The following ARNT2 variants were observed in gnomAD, a reference collection of about 807,000 sequenced individuals.
ARNT2 encodes aryl hydrocarbon receptor nuclear translocator 2, also known as ARNT protein 2.
ARNT2 carries 36 observed loss-of-function variants against 91.7 expected under a neutral mutation model. That is an observed-to-expected ratio of 0.39 (90% CI 0.30 to 0.52). ARNT2 has a LOEUF of 0.52. Ranked by LOEUF, ARNT2 falls within the 20% of genes least tolerant of loss-of-function variation. The pLI, the probability that ARNT2 is intolerant of heterozygous loss-of-function variation, is 0.72. For synonymous variants in ARNT2, 365 were observed against 347.1 expected, an observed-to-expected ratio of 1.05 and a Z score of -0.57; for missense variants, 775 against 939.3, an observed-to-expected ratio of 0.83 and a Z score of 2.29.
intron 3 of ARNT2, among the ~76,000 whole-genome samples, chr15:80,460,958 G>A (rs1325032688): frequency 6.6e-6 from 1 of 152,168 alleles, no homozygotes; most frequent in African/African-American, 2.4e-5. Flanking sequence ...GGAGCTGCAG[G>A]TGAGGCCAAG....
At chr15:80,423,447 T>C (rs1279452403) in intron 1 of ARNT2, among the ~76,000 whole-genome samples, 2 of 152,208 alleles carry the variant, frequency 1.3e-5, no homozygotes, top group Non-Finnish European at 2.9e-5. Context: ...CATAATCAGT[T>C]ATGTCTAATG....
intron 1 of ARNT2, among the ~76,000 whole-genome samples, chr15:80,415,989 C>T (rs986689757): frequency 1.4e-4 from 21 of 152,142 alleles, no homozygotes; most frequent in Admixed American, 1.3e-3. Flanking sequence ...TTGCCTTCCC[C>T]CTGCCCACTC....
chr15:80,597,394 T>G lies in ARNT2; in HGVS notation c.*3696T>G, dbSNP rs556282829. 8.8e-6 allele frequency: 4 copies of G among 453,874 alleles called. No individual in the cohort carries two copies. The highest frequency in any genetic ancestry group is 6.5e-5 in the South Asian group (4 of 61,632). 28.1% of individuals were successfully genotyped at this position (453,874 alleles called of 1,614,324 possible). ...ATTACCAGAAAATATGGGCTTGGCC[T>G]AAGTCGCTGTCTCCTAACCTGCCGG... On this transcript the variant is annotated 3_prime_UTR_variant, in exon 19 of 19. Coordinates refer to ENST00000303329, the MANE Select transcript of ARNT2 (RefSeq NM_014862.4).
At chr15:80,560,540 T>A (rs1898318635) in intron 11 of ARNT2, among the ~76,000 whole-genome samples, 1 of 152,210 alleles carries the variant, frequency 6.6e-6, no homozygotes, top group South Asian at 2.1e-4. Flanking sequence ...TCGTGCCTTC[T>A]GTGTGCTAGT....
At chr15:80,567,062 C>T (rs1039429493) in intron 12 of ARNT2, among the ~76,000 whole-genome samples, 1 of 152,030 alleles carries the variant, frequency 6.6e-6, no homozygotes, top group Admixed American at 6.6e-5. Flanking sequence ...ATGTGTGGCC[C>T]GGCCTTGAAG....
intron 5 of ARNT2, among the ~76,000 whole-genome samples, chr15:80,476,403 C>G (rs1403281256): frequency 6.6e-6 from 1 of 152,224 alleles, no homozygotes; most frequent in African/African-American, 2.4e-5. Context: ...ACAACATTCA[C>G]ATTATGCTCA....
intron 4 of ARNT2, among the ~76,000 whole-genome samples, chr15:80,472,449 C>T (rs187869518): frequency 6.6e-6 from 1 of 152,132 alleles, no homozygotes; most frequent in Admixed American, 6.5e-5. Flanking sequence ...AGCCGAGACT[C>T]GATTTATGTC....
intron 12 of ARNT2, among the ~76,000 whole-genome samples, chr15:80,566,546 T>C (rs905998479): frequency 2.0e-5 from 3 of 152,206 alleles, no homozygotes; most frequent in Non-Finnish European, 4.4e-5. Flanking sequence ...AGAATCCCTG[T>C]CTGGCCAACC....
At chr15:80,559,178 CCGGT>C (rs34979022) in intron 11 of ARNT2, among the ~76,000 whole-genome samples, 3,280 of 152,334 alleles carry the variant, frequency 0.022, 62 homozygotes, top group East Asian at 0.1. Flanking sequence ...GCTGTCAGAA[CCGGT>C]TGGTTTTGAA....
chr15:80,440,388 T>C lies in ARNT2; in HGVS notation c.32-10492T>C, dbSNP rs1235343527. On this transcript the variant is annotated intron_variant, in intron 1 of 18. Coordinates refer to ENST00000303329, the MANE Select transcript of ARNT2 (RefSeq NM_014862.4). ...ACTTTTCTTCCATTGGAATTACTGG[T>C]TACCCATCTTCTTGCTGGGTCTGTT... 2.0e-5 allele frequency among the ~76,000 whole-genome samples: 3 copies of C among 152,220 alleles called. No homozygotes were observed. The East Asian group carries it at 5.8e-4, about 29-fold the overall frequency.
chr15:80,528,607 C>G (rs1897683095), intron 8 of ARNT2, among the ~76,000 whole-genome samples: 3 of 152,060 alleles, frequency 2.0e-5, no homozygotes, highest in Admixed American at 1.3e-4. Context: ...GTGGACCGCT[C>G]ATGAATATAT....
rs36113299 is a variant in ARNT2 at position 80,513,721 on chromosome 15, C to CAAAAAA, written c.726-174_726-169dup. On this transcript the variant is annotated intron_variant, in intron 6 of 18. Coordinates refer to ENST00000303329, the MANE Select transcript of ARNT2 (RefSeq NM_014862.4). Reference sequence around the variant, plus strand: ...GGTCACACTCTCCTTTCTTCAGTCACAAAAAAAAAAAAAAAAAAAAATCAA... The same window carrying CAAAAAA: ...GGTCACACTCTCCTTTCTTCAGTCACAAAAAAAAAAAAAAAAAAAAAAAAAAATCAA... Among the ~76,000 whole-genome samples the CAAAAAA allele has an allele frequency of 2.2e-3, 223 of 99,138 alleles. 3 individuals are homozygous for CAAAAAA. The highest frequency in any genetic ancestry group is 5.7e-3 in the Middle Eastern group (1 of 176). 65.0% of individuals were successfully genotyped at this position (99,138 alleles called of 152,430 possible).
chr15:80,581,330 C>T lies in ARNT2; in HGVS notation c.1844C>T (p.Pro615Leu). The T allele has an allele frequency of 1.9e-6, 3 of 1,614,198 alleles. No individual in the cohort carries two copies. The highest frequency in any genetic ancestry group is 2.5e-6 in the Non-Finnish European group (3 of 1,180,038). The change falls in exon 17 of 19, where the codon CCC (proline) becomes CTC (leucine). Residue 615 changes from proline (P) to leucine (L), a missense_variant. Around this residue, in one of 5 missense-constraint regions of ARNT2, gnomAD observed 325 missense variants for 359.9 expected, o/e 0.90. Coordinates refer to ENST00000303329, the MANE Select transcript of ARNT2 (RefSeq NM_014862.4). ...CCGGCAGACCCCTCTTCCTACAGCCCCCTCTCCAGCCCAGCTACCTCCTCG... is the reference window on the plus strand; with the variant it reads ...CCGGCAGACCCCTCTTCCTACAGCCTCCTCTCCAGCCCAGCTACCTCCTCG... ...TYPADPSSYS[P>L]LSSPATSSPS...
At chr15:80,528,366 T>TTATC (rs149942992) in intron 8 of ARNT2, among the ~76,000 whole-genome samples, 41,576 of 148,754 alleles carry the variant, frequency 0.28, 5,815 homozygotes, top group East Asian at 0.33. Context: ...ATTTGACCAT[T>TTATC]TATCTATCTA....
In ARNT2 at chr15:80,595,549, G is replaced by A. The variant is rs536045475; in HGVS notation, c.*1851G>A. On this transcript the variant is annotated 3_prime_UTR_variant, in exon 19 of 19. Coordinates refer to ENST00000303329, the MANE Select transcript of ARNT2 (RefSeq NM_014862.4). ...GATCCATGTGCTCAATGTTGCTGGG[G>A]GACCTACAAAAGTCAAACATTGCTC... 6.6e-6 allele frequency: 1 copy of A among 152,236 alleles called. No homozygotes were observed. Among genetic ancestry groups the A allele is most frequent in the African/African-American group, 2.4e-5 (1 of 41,460 alleles). 9.4% of individuals were successfully genotyped at this position (152,236 alleles called of 1,614,324 possible).
chr15:80,547,142 G>C (rs1238306354), intron 8 of ARNT2, among the ~76,000 whole-genome samples: 5 of 152,166 alleles, frequency 3.3e-5, no homozygotes, highest in Admixed American at 2.6e-4. Context: ...ACGTCTTCAA[G>C]GGCACACAAA....
chr15:80,516,710 T>A (rs541617382), intron 8 of ARNT2, among the ~76,000 whole-genome samples: 2 of 151,470 alleles, frequency 1.3e-5, no homozygotes, highest in African/African-American at 4.8e-5. Flanking sequence ...TTCTATTCAT[T>A]GCACTCATTC....
intron 12 of ARNT2, among the ~76,000 whole-genome samples, chr15:80,568,998 G>A (rs760256158): frequency 1.2e-4 from 19 of 152,154 alleles, no homozygotes; most frequent in African/African-American, 2.9e-4. Flanking sequence ...TGCCCTGATC[G>A]AATCAATTCC....
At chr15:80,500,513 AT>A (rs2141418041) in intron 5 of ARNT2, among the ~76,000 whole-genome samples, 1 of 152,274 alleles carries the variant, frequency 6.6e-6, no homozygotes, top group East Asian at 1.9e-4. Flanking sequence ...CCTGGGGAGA[AT>A]TTTTATGTGC....
Sources: allele counts gnomAD v4.1 joint callset (sites outside exome capture counted in the v4.1 genomes callset), GRCh38; gene constraint gnomAD v4.1.1; regional missense constraint gnomAD v4.1.1; transcripts MANE v1.5; gene names NCBI Gene and HGNC (gene_info 2026-07-23, HGNC 2026-07-21).